SPARC: variants seen among roughly 807,000 people sequenced by gnomAD.
SPARC encodes secreted protein acidic and cysteine rich.
Under a neutral mutation model 37.7 loss-of-function variants are expected in SPARC, and 23 were observed. The ratio of observed to expected loss-of-function variants is 0.61; its 90% CI spans 0.44 to 0.87. The LOEUF (loss-of-function observed/expected upper bound fraction) is 0.87, where lower values mean the gene tolerates loss of function less well. SPARC is among the 40% of genes least tolerant of loss of function. SPARC has a pLI of 0.00. For missense variants in SPARC, 312 were observed against 389.0 expected, an observed-to-expected ratio of 0.80 and a Z score of 1.66; for synonymous variants, 155 against 150.8, an observed-to-expected ratio of 1.03 and a Z score of -0.20.
rs141258560 is a variant in SPARC, at chr5:151,669,879, G to C, written c.331-95C>G. ...CATTTCAGAGATGGGGACACTGAGG[G>C]TTAAGCAAGGAATGTCATTAGCCTG... On this transcript the variant is annotated intron_variant, in intron 5 of 9. Transcript: ENST00000231061. 88 of 1,503,210 alleles carry C rather than the reference G, an allele frequency of 5.9e-5. No homozygotes were observed. The African/African-American group carries it at 1.0e-3, about 17-fold the overall frequency. 93.1% of individuals were successfully genotyped at this position (1,503,210 alleles called of 1,614,324 possible). A position where few individuals can be genotyped will look rare whatever the true frequency, so the allele number is the denominator to read the frequency against.
chr5:151,685,212 G>C (rs1761103959), intron 1 of SPARC: 2 of 151,862 alleles, frequency 1.3e-5, no homozygotes, highest in Non-Finnish European at 2.9e-5. Context: ...AGGCTATGTC[G>C]ATGTGGCAGC....
chr5:151,667,932 C>T lies in SPARC; in HGVS notation c.452-332G>A, dbSNP rs2347126. Among the ~76,000 whole-genome samples the T allele has an allele frequency of 0.63, 96,335 of 151,936 alleles. 30,932 individuals carry two copies. The highest frequency in any genetic ancestry group is 0.73 in the African/African-American group (30,282 of 41,432). On this transcript the variant is annotated intron_variant, in intron 6 of 9. Transcript: ENST00000231061. ...GAGCCCATGTTGTTCACGTCAACCA[C>T]TGGCAGGTGTTTGAAGCTGGGAGGC...
intron 1 of SPARC, among the ~76,000 whole-genome samples, chr5:151,684,879 C>T (rs1239237763): frequency 6.6e-6 from 1 of 152,192 alleles, no homozygotes; most frequent in Non-Finnish European, 1.5e-5. Flanking sequence ...CCCAGGTCTT[C>T]AAACACCCTT....
intron 1 of SPARC, among the ~76,000 whole-genome samples, chr5:151,677,942 C>T (rs1760900381): frequency 2.0e-5 from 3 of 152,152 alleles, no homozygotes; most frequent in African/African-American, 7.2e-5. Context: ...AATGTTCCTC[C>T]CCTCACACAG....
At chr5:151,674,576 A>AGAGGGGCT (rs1561920767) in intron 3 of SPARC, 36 bp downstream of exon 3, 1 of 1,605,086 alleles carries the variant, frequency 6.2e-7, no homozygotes, top group Admixed American at 1.7e-5. Flanking sequence ...ATACAGGTAG[A>AGAGGGGCT]GAGGGGCTAA....
At position 151,673,131 on chromosome 5, in the gene SPARC, T is replaced by G. The variant is rs1240922787; in HGVS notation, c.206A>C (p.Glu69Ala). 1 of 1,612,778 alleles carries G rather than the reference T, an allele frequency of 6.2e-7. No homozygotes were observed. Reference sequence around the variant, plus strand: ...CAAGTTACAGGGAAGGGACATACTTTCCGCCACCACCTCCTCTTCGGTTTC... The same window carrying G: ...CAAGTTACAGGGAAGGGACATACTTGCCGCCACCACCTCCTCTTCGGTTTC... The part of the protein sequence containing the change: ...AEETEEEVVA[E>A]NPCQNHHCKH... Residue 69 changes from glutamate (E) to alanine (A), a missense_variant and splice_region_variant, in exon 4 of 10, where the codon GAA becomes GCA. By Grantham distance (107) the Glu-to-Ala change is moderately radical (BLOSUM62 -1). Coordinates refer to ENST00000231061, the MANE Select transcript of SPARC (RefSeq NM_003118.4).
intron 1 of SPARC, chr5:151,685,777 A>G (rs1307990554): frequency 6.6e-6 from 1 of 152,230 alleles, no homozygotes. Context: ...AATGAAAAAA[A>G]TGCTGTCCTT....
chr5:151,683,282 G>A (rs1424703391), intron 1 of SPARC, among the ~76,000 whole-genome samples: 1 of 152,260 alleles, frequency 6.6e-6, no homozygotes, highest in African/African-American at 2.4e-5. Flanking sequence ...TAATGACAAA[G>A]CCACGTGGGC....
chr5:151,672,215 G>A lies in SPARC; in HGVS notation c.209-521C>T, dbSNP rs114443618. On this transcript the variant is annotated intron_variant, in intron 4 of 9. Coordinates refer to ENST00000231061, the MANE Select transcript of SPARC (RefSeq NM_003118.4). ...CTGGTAAACACCGGATGAGGTGGGC[G>A]TGGAGGCGGGAAGGAACATGACTCA... Among the ~76,000 whole-genome samples the A allele has an allele frequency of 8.4e-3, 1,275 of 152,304 alleles. 16 individuals carry two copies. Among genetic ancestry groups the A allele is most frequent in the African/African-American group, 0.028 (1,178 of 41,568 alleles).
At chr5:151,679,277 A>C (rs150848779) in intron 1 of SPARC, 1 of 152,332 alleles carries the variant, frequency 6.6e-6, no homozygotes, top group East Asian at 1.9e-4. Flanking sequence ...TCTGCCCAAT[A>C]GTACAGATGA....
intron 1 of SPARC, 69 bp from the exon 2 acceptor site, chr5:151,676,270 C>T (rs2113106449): frequency 9.4e-7 from 1 of 1,062,970 alleles, no homozygotes; most frequent in Non-Finnish European, 1.4e-6. Context: ...TTCTGAATTC[C>T]TGATATGTGC....
At chr5:151,671,811 T>C (rs1490532685) in intron 4 of SPARC, 117 bp from the exon 5 acceptor site, 17 of 1,380,468 alleles carry the variant, frequency 1.2e-5, no homozygotes, top group Non-Finnish European at 1.6e-5. Context: ...CTCTGGGCTT[T>C]GGACAGCCCT....
At position 151,661,230 on chromosome 5, in the gene SPARC, C is replaced by T. The variant is rs117369804; in HGVS notation, c.*2341G>A. ...GAGCAAGGATCACGCACGCTGCCTA[C>T]TCATAAGATCCCCTAACACATTGCA... is the stretch of plus-strand genomic sequence containing the variant. On this transcript the variant is annotated 3_prime_UTR_variant, in exon 10 of 10. Transcript: ENST00000231061. 6.6e-6 allele frequency: 1 copy of T among 152,336 alleles called. No individual in the cohort carries two copies. Among genetic ancestry groups the T allele is most frequent in the East Asian group, 1.9e-4 (1 of 5,196 alleles). 9.4% of individuals were successfully genotyped at this position (152,336 alleles called of 1,614,324 possible).
intron 1 of SPARC, chr5:151,686,592 G>A (rs1761145919): frequency 6.6e-6 from 1 of 152,168 alleles, no homozygotes; most frequent in Admixed American, 6.5e-5. Context: ...GAGAAAAACA[G>A]AGAGTGAGAA....
rs1352784444 is a variant in SPARC, at chr5:151,686,860, C to CA, written c.-14+4dup. The CA allele has an allele frequency of 6.6e-6, 1 of 152,632 alleles. No individual in the cohort carries two copies. The allele number at this position is 152,632 out of a possible 1,614,324, so 9.5% of individuals were successfully genotyped here. A position where few individuals can be genotyped will look rare whatever the true frequency, so the allele number is the denominator to read the frequency against. On this transcript the variant is annotated splice_donor_region_variant and intron_variant, in intron 1 of 9. Transcript: ENST00000231061. ...AGGGAAAGGCTGGGCGGGGGTCACA[C>CA]ATACCTCAGTGGCAGGCAGGCAGGC...
intron 1 of SPARC, among the ~76,000 whole-genome samples, chr5:151,678,795 A>T (rs939280976): frequency 1.3e-5 from 2 of 151,826 alleles, no homozygotes; most frequent in Non-Finnish European, 2.9e-5. Flanking sequence ...AGAAAACTGT[A>T]AACACAAACA....
chr5:151,669,722 G>T lies in SPARC; in HGVS notation c.393C>A (p.Thr131=), dbSNP rs1190701125. 6.2e-7 allele frequency: 1 copy of T among 1,614,160 alleles called. No individual in the cohort carries two copies. Among genetic ancestry groups the T allele is most frequent in the South Asian group, 1.1e-5 (1 of 91,082 alleles). Residue 131 remains threonine, a synonymous_variant, in exon 6 of 10, where the codon ACC becomes ACA. Transcript: ENST00000231061. The part of the protein sequence containing the change: ...SSCHFFATKC[T]LEGTKKGHKL... ...TGTGGCCCTTCTTGGTGCCCTCCAG[G>T]GTGCACTTTGTGGCAAAGAAGTGGC...
At chr5:151,672,775 A>G in intron 4 of SPARC, 1 of 292,418 alleles carries the variant, frequency 3.4e-6, no homozygotes. Flanking sequence ...GGGCTGATAC[A>G]GAAGCAATGG....
chr5:151,668,171 T>A (rs1760671425), intron 6 of SPARC, among the ~76,000 whole-genome samples: 1 of 151,524 alleles, frequency 6.6e-6, no homozygotes, highest in African/African-American at 2.4e-5. Context: ...TTTTTTTTTT[T>A]AGACAGGGTC....
Sources: allele counts gnomAD v4.1 joint callset (sites outside exome capture counted in the v4.1 genomes callset), GRCh38; gene constraint gnomAD v4.1.1; transcripts MANE v1.5; gene names NCBI Gene and HGNC (gene_info 2026-07-23, HGNC 2026-07-21).